EPHB1: variants seen among roughly 807,000 people sequenced by gnomAD.
EPHB1 encodes EPH receptor B1.
Under a neutral mutation model 94.4 loss-of-function variants are expected in EPHB1, and 30 were observed. That is an observed-to-expected ratio of 0.32 (90% CI 0.24 to 0.43). The LOEUF (loss-of-function observed/expected upper bound fraction) is 0.43, where lower values mean the gene tolerates loss of function less well. Ranked by LOEUF, EPHB1 falls within the 20% of genes least tolerant of loss-of-function variation. The pLI is 1.00. For synonymous variants in EPHB1, 522 were observed against 489.1 expected (o/e 1.07, Z -0.89); for missense variants, 1,055 against 1,308.3 (o/e 0.81, Z 2.99).
intron 1 of EPHB1, among the ~76,000 whole-genome samples, chr3:134,845,863 A>T (rs2036862830): frequency 1.3e-5 from 2 of 152,084 alleles, no homozygotes; most frequent in Non-Finnish European, 2.9e-5. Context: ...TTCACAGAGG[A>T]TGCACCCTGC....
At chr3:135,253,604 T>G (rs1933228698) in intron 15 of EPHB1, among the ~76,000 whole-genome samples, 1 of 149,586 alleles carries the variant, frequency 6.7e-6, no homozygotes, top group Non-Finnish European at 1.5e-5. Flanking sequence ...CATGCTGTTT[T>G]GGTTACTGTA....
At chr3:135,110,866 G>T (rs2107800985) in intron 4 of EPHB1, among the ~76,000 whole-genome samples, 1 of 152,296 alleles carries the variant, frequency 6.6e-6, no homozygotes, top group African/African-American at 2.4e-5. Flanking sequence ...ACAGGGCAGT[G>T]GTGGGGTGGG....
chr3:134,930,310 G>T (rs907813645), intron 2 of EPHB1, among the ~76,000 whole-genome samples: 45 of 152,220 alleles, frequency 3.0e-4, no homozygotes, highest in African/African-American at 1.1e-3. Flanking sequence ...CAGAAAGTAC[G>T]CCCAGATTAA....
intron 3 of EPHB1, among the ~76,000 whole-genome samples, chr3:135,084,395 G>A (rs865837570): frequency 1.3e-5 from 2 of 152,110 alleles, no homozygotes; most frequent in Admixed American, 6.6e-5. Flanking sequence ...GATTAGCCTC[G>A]TGGAGCTGGA....
At chr3:135,160,749 G>A (rs544205333) in intron 6 of EPHB1, among the ~76,000 whole-genome samples, 7 of 152,306 alleles carry the variant, frequency 4.6e-5, no homozygotes, top group South Asian at 2.1e-4. Flanking sequence ...GGTGTGATTC[G>A]GAATGACAGT....
chr3:135,162,685 C>T (rs751104221), intron 7 of EPHB1, among the ~76,000 whole-genome samples: 9 of 152,142 alleles, frequency 5.9e-5, no homozygotes, highest in Non-Finnish European at 5.9e-5. Context: ...ATGTCCTGCT[C>T]GGATGTCTCC....
chr3:134,828,164 C>T (rs1450135232), intron 1 of EPHB1, among the ~76,000 whole-genome samples: 1 of 152,108 alleles, frequency 6.6e-6, no homozygotes, highest in African/African-American at 2.4e-5. Context: ...GGATAGTTTC[C>T]ATGAAGTAGG....
chr3:134,872,979 A>G (rs1259755868), intron 1 of EPHB1, among the ~76,000 whole-genome samples: 1 of 152,232 alleles, frequency 6.6e-6, no homozygotes. Flanking sequence ...ACCGGGGAAT[A>G]TCTCATGGAC....
chr3:135,141,233 T>C (rs972826591), intron 5 of EPHB1, among the ~76,000 whole-genome samples: 2 of 149,904 alleles, frequency 1.3e-5, no homozygotes, highest in African/African-American at 4.9e-5. Context: ...AGCCCAGTCA[T>C]GCCCCCTAAG....
At chr3:135,238,889 G>A (rs768919753) in intron 12 of EPHB1, among the ~76,000 whole-genome samples, 2 of 152,152 alleles carry the variant, frequency 1.3e-5, no homozygotes, top group African/African-American at 2.4e-5. Context: ...TTCCCTAATG[G>A]CAACACACAA....
chr3:135,086,408 C>G (rs1938364377), intron 3 of EPHB1, among the ~76,000 whole-genome samples: 1 of 151,746 alleles, frequency 6.6e-6, no homozygotes, highest in African/African-American at 2.4e-5. Flanking sequence ...CATCGTGCCC[C>G]ACTTCAAGAC....
intron 3 of EPHB1, among the ~76,000 whole-genome samples, chr3:135,008,396 C>G (rs1935499693): frequency 6.6e-6 from 1 of 152,160 alleles, no homozygotes; most frequent in African/African-American, 2.4e-5. Flanking sequence ...CTGAGTCATG[C>G]TACTGGGGTT....
At chr3:134,806,542 A>G (rs1371479440) in intron 1 of EPHB1, among the ~76,000 whole-genome samples, 6 of 152,226 alleles carry the variant, frequency 3.9e-5, no homozygotes, top group Non-Finnish European at 8.8e-5. Flanking sequence ...TCCAAACTGC[A>G]GATTCCTGAG....
chr3:134,877,469 A>C (rs1215105852), intron 1 of EPHB1, among the ~76,000 whole-genome samples: 3 of 152,096 alleles, frequency 2.0e-5, no homozygotes, highest in African/African-American at 7.2e-5. Flanking sequence ...TATGACCCTC[A>C]GGCCTCCATA....
At chr3:134,871,550 A>G (rs1163221876) in intron 1 of EPHB1, among the ~76,000 whole-genome samples, 1 of 152,104 alleles carries the variant, frequency 6.6e-6, no homozygotes, top group Admixed American at 6.5e-5. Flanking sequence ...AATAATGACC[A>G]TATTCATTAT....
At chr3:134,900,723 G>GA (rs2038182155) in intron 1 of EPHB1, among the ~76,000 whole-genome samples, 1 of 151,972 alleles carries the variant, frequency 6.6e-6, no homozygotes. Flanking sequence ...CTGGGTGCAT[G>GA]TGTGTGTGTG....
At chr3:134,860,276 A>G (rs1443623862) in intron 1 of EPHB1, among the ~76,000 whole-genome samples, 1 of 151,938 alleles carries the variant, frequency 6.6e-6, no homozygotes, top group African/African-American at 2.4e-5. Context: ...ACTCAGTGTT[A>G]AGGACTCTTG....
chr3:134,849,212 T>G (rs998544877), intron 1 of EPHB1, among the ~76,000 whole-genome samples: 11 of 152,214 alleles, frequency 7.2e-5, no homozygotes, highest in African/African-American at 2.7e-4. Context: ...TGAAACAGAT[T>G]GTTGCTCTCC....
At chr3:134,973,335 C>T (rs1379424046) in intron 3 of EPHB1, among the ~76,000 whole-genome samples, 3 of 151,790 alleles carry the variant, frequency 2.0e-5, no homozygotes, top group African/African-American at 7.3e-5. Context: ...CTGGCTCAGC[C>T]TGGAAGAGAT....
Sources: gnomAD v4.1 joint callset for allele counts (sites outside exome capture counted in the v4.1 genomes callset) on GRCh38, gnomAD v4.1.1 for gene constraint, MANE v1.5 for transcripts, NCBI Gene and HGNC (gene_info 2026-07-23, HGNC 2026-07-21) for gene names.